The following ADAM12 variants were observed in gnomAD, a reference collection of about 807,000 sequenced individuals.
ADAM12 encodes the protein ADAM metallopeptidase domain 12.
ADAM12 carries 70 observed loss-of-function variants against 106.4 expected under a neutral mutation model. The ratio of observed to expected loss-of-function variants is 0.66; its 90% confidence interval spans 0.54 to 0.80. ADAM12 has a LOEUF of 0.80. Among genes scored for constraint, ADAM12 ranks in the 30% least tolerant of loss-of-function variants. The pLI is 0.00. For synonymous variants in ADAM12, 420 were observed against 433.5 expected (o/e 0.97, Z 0.39); for missense variants, 1,010 against 1,171.9 (o/e 0.86, Z 2.02).
At chr10:126,071,441 GTCT>G (rs770339182) in intron 12 of ADAM12, 33 bp downstream of exon 12, 35 of 1,607,964 alleles carry the variant, frequency 2.2e-5, no homozygotes, top group Admixed American at 1.5e-4. Flanking sequence ...GAGGATACAA[GTCT>G]TCTTGTATCC....
intron 3 of ADAM12, among the ~76,000 whole-genome samples, chr10:126,233,822 T>C (rs1340950982): frequency 2.6e-5 from 4 of 152,240 alleles, no homozygotes; most frequent in African/African-American, 4.8e-5. Flanking sequence ...CTTTGATCTA[T>C]GATAACAGAT....
chr10:126,127,614 C>T (rs933297800), intron 5 of ADAM12, among the ~76,000 whole-genome samples: 13 of 152,216 alleles, frequency 8.5e-5, no homozygotes, highest in Admixed American at 5.9e-4. Context: ...ACGTTGCAGG[C>T]ACCTCGTAGA....
intron 21 of ADAM12, among the ~76,000 whole-genome samples, chr10:126,033,672 A>G (rs1162236914): frequency 6.6e-6 from 1 of 151,536 alleles, no homozygotes; most frequent in African/African-American, 2.4e-5. Context: ...CTCACCAGGC[A>G]TCATAGCCTA....
intron 8 of ADAM12, among the ~76,000 whole-genome samples, chr10:126,104,448 TAAAA>T (rs541719234): frequency 2.0e-5 from 2 of 100,746 alleles, no homozygotes; most frequent in African/African-American, 3.7e-5. Flanking sequence ...AGACTCTGTC[TAAAA>T]AAAAAAAAAA....
At chr10:126,297,592 G>A (rs887678662) in intron 2 of ADAM12, among the ~76,000 whole-genome samples, 3 of 152,138 alleles carry the variant, frequency 2.0e-5, no homozygotes, top group African/African-American at 7.2e-5. Context: ...CACACGATGT[G>A]ATATTCCACA....
chr10:126,264,226 T>C (rs1959055997), intron 3 of ADAM12, among the ~76,000 whole-genome samples: 1 of 152,188 alleles, frequency 6.6e-6, no homozygotes, highest in East Asian at 1.9e-4. Context: ...GCTTAATGGG[T>C]GCTGGCCGGC....
chr10:126,023,681 C>T (rs1372711363), intron 21 of ADAM12, among the ~76,000 whole-genome samples: 1 of 152,188 alleles, frequency 6.6e-6, no homozygotes, highest in Non-Finnish European at 1.5e-5. Flanking sequence ...TCTTCTGGTG[C>T]TGGACAGACC....
At position 126,016,699 on chromosome 10, in the gene ADAM12, G is replaced by C. The variant is rs1325014261; in HGVS notation, c.*580C>G. 1.3e-5 allele frequency: 2 copies of C among 152,390 alleles called. No individual in the cohort carries two copies. The highest frequency in any genetic ancestry group is 2.4e-5 in the African/African-American group (1 of 41,434). 9.4% of individuals were successfully genotyped at this position (152,390 alleles called of 1,614,324 possible). ...ACCAAAGCTTCCTGGCCAGAAGCCA[G>C]ATTTCTCCCAGGTGTCCCTGGGAGC... On this transcript the variant is annotated 3_prime_UTR_variant, in exon 23 of 23. Coordinates refer to ENST00000448723, the MANE Select transcript of ADAM12 (RefSeq NM_001288973.2).
At chr10:126,382,252 A>G (rs560242317) in intron 1 of ADAM12, among the ~76,000 whole-genome samples, 1 of 152,314 alleles carries the variant, frequency 6.6e-6, no homozygotes, top group African/African-American at 2.4e-5. Context: ...ATAGAGCCCT[A>G]GATCCCCTGC....
rs1554866264 is a variant in ADAM12, at chr10:126,321,909, G to GGA, written c.186+8502_186+8503insTC. On this transcript the variant is annotated intron_variant, in intron 2 of 22. Coordinates refer to ENST00000448723, the MANE Select transcript of ADAM12 (RefSeq NM_001288973.2). ...CTTAACTTTCTACCTGGGGGTCGGG[G>GGA]GGGGGGCTTCAGCAACCTCATGTGC... 4.2e-5 allele frequency among the ~76,000 whole-genome samples: 6 copies of GGA among 143,108 alleles called. No homozygotes were observed. The East Asian group carries it at 8.9e-4, about 21-fold the overall frequency. 93.9% of individuals were successfully genotyped at this position (143,108 alleles called of 152,430 possible). A position where few individuals can be genotyped will look rare whatever the true frequency, so the allele number is the denominator to read the frequency against.
chr10:126,105,733 G>A (rs113881868), intron 8 of ADAM12, among the ~76,000 whole-genome samples: 1,816 of 152,344 alleles, frequency 0.012, 42 homozygotes, highest in African/African-American at 0.04. Flanking sequence ...AGTTCTAACT[G>A]CCGTGCTATC....
At chr10:126,228,786 T>A (rs1275080300) in intron 3 of ADAM12, among the ~76,000 whole-genome samples, 1 of 152,234 alleles carries the variant, frequency 6.6e-6, no homozygotes, top group African/African-American at 2.4e-5. Context: ...CTCCCACCCA[T>A]GTAGCTGAAG....
chr10:126,064,744 C>T lies in ADAM12; in HGVS notation c.1609+62G>A, dbSNP rs1954829361. The T allele has an allele frequency of 2.3e-5, 35 of 1,503,694 alleles. 2 individuals are homozygous for T. In the South Asian group the frequency reaches 4.0e-4, roughly 17 times the overall value. The allele number at this position is 1,503,694 out of a possible 1,614,324, so 93.1% of individuals were successfully genotyped here. On this transcript the variant is annotated intron_variant, in intron 14 of 22. Coordinates refer to ENST00000448723, the MANE Select transcript of ADAM12 (RefSeq NM_001288973.2). This position sits in a 1 kb window ranked among gnomAD's most constrained non-coding sequence, Gnocchi z 4.4. ...CTAACCAAAACAGAGCACATGCCCC[C>T]AGTCCCACAGCCCAGGTCTGCCAGT... is the stretch of plus-strand genomic sequence containing the variant.
At chr10:126,254,513 G>C (rs573718512) in intron 3 of ADAM12, among the ~76,000 whole-genome samples, 1 of 152,320 alleles carries the variant, frequency 6.6e-6, no homozygotes, top group South Asian at 2.1e-4. Flanking sequence ...CCCTGCGGAT[G>C]CTCTCCTCAT....
rs149125835 is a variant in ADAM12, at chr10:126,144,314, G to A, written c.340-8654C>T. Among the ~76,000 whole-genome samples, 610 of 152,292 alleles carry A rather than the reference G, an allele frequency of 4.0e-3. 3 individuals carry two copies. Among genetic ancestry groups the A allele is most frequent in the African/African-American group, 0.014 (580 of 41,558 alleles). Reference sequence around the variant, plus strand: ...TGGGACGGGCACTTAGTTGTCCAGAGTTTTGTGGATCAAATAAACATGACA... The same window carrying A: ...TGGGACGGGCACTTAGTTGTCCAGAATTTTGTGGATCAAATAAACATGACA... On this transcript the variant is annotated intron_variant, in intron 4 of 22. Coordinates refer to ENST00000448723, the MANE Select transcript of ADAM12 (RefSeq NM_001288973.2).
chr10:126,344,854 G>A (rs1010736574), intron 1 of ADAM12, among the ~76,000 whole-genome samples: 3 of 152,120 alleles, frequency 2.0e-5, no homozygotes, highest in African/African-American at 7.2e-5. Context: ...GAATGCTTGT[G>A]ATTTTTGCAC....
chr10:126,388,176 G>A lies in ADAM12; in HGVS notation c.-31C>T, dbSNP rs1856746519. 1 of 1,203,742 alleles carries A rather than the reference G, an allele frequency of 8.3e-7. No homozygotes were observed. The highest frequency in any genetic ancestry group is 1.0e-6 in the Non-Finnish European group (1 of 969,870). 74.6% of individuals were successfully genotyped at this position (1,203,742 alleles called of 1,614,324 possible). On this transcript the variant is annotated 5_prime_UTR_variant, in exon 1 of 23. Transcript: ENST00000448723. This position sits in a 1 kb window ranked among gnomAD's most constrained non-coding sequence, Gnocchi z 4.4. ...CCGGCCTTCAGTGCAGCAGCTCTCGGGCCCGGCGGCGAGCGCTGCACCATC... is the reference window on the plus strand; with the variant it reads ...CCGGCCTTCAGTGCAGCAGCTCTCGAGCCCGGCGGCGAGCGCTGCACCATC...
chr10:126,161,597 C>T (rs571918234), intron 3 of ADAM12, among the ~76,000 whole-genome samples: 9 of 152,340 alleles, frequency 5.9e-5, no homozygotes, highest in Non-Finnish European at 8.8e-5. Flanking sequence ...CCTTTTGCTT[C>T]GGGCTTTCTG....
At chr10:126,141,965 C>T (rs1310655421) in intron 4 of ADAM12, among the ~76,000 whole-genome samples, 2 of 152,172 alleles carry the variant, frequency 1.3e-5, no homozygotes, top group African/African-American at 4.8e-5. Flanking sequence ...TAGCCAGCCC[C>T]TTCCCTGAAT....
Sources: gnomAD v4.1 joint callset for allele counts (sites outside exome capture counted in the v4.1 genomes callset) on GRCh38, gnomAD v4.1.1 for gene constraint, Gnocchi (gnomAD v3.1) non-coding constraint, MANE v1.5 for transcripts, NCBI Gene and HGNC (gene_info 2026-07-23, HGNC 2026-07-21) for gene names.